H2BC12: variants seen among roughly 807,000 people sequenced by gnomAD.
H2BC12 encodes the protein H2B clustered histone 12.
A neutral mutation model predicts 6.3 loss-of-function variants in H2BC12; 6 were observed. The ratio of observed to expected loss-of-function variants is 0.95; its 90% CI spans 0.52 to 1.87. The LOEUF is 1.87. Among genes scored for constraint, H2BC12 ranks in the 40% most tolerant of loss-of-function variants. The probability of loss-of-function intolerance (pLI) is 0.01; values close to 1 mark genes in which losing one functional copy is unlikely to be tolerated. For synonymous variants in H2BC12, 132 were observed against 78.5 expected (o/e 1.68, Z -3.60); for missense variants, 119 against 178.4 (o/e 0.67, Z 1.90).
chr6:27,145,630 C>T (rs1434806091), downstream of H2BC12, among the ~76,000 whole-genome samples: 1 of 152,176 alleles, frequency 6.6e-6, no homozygotes, highest in African/African-American at 2.4e-5. Flanking sequence ...TGTTGTCTCC[C>T]CTCTGAATCT....
chr6:27,139,342 G>A, the H2BC12 span: 2 of 1,613,626 alleles, frequency 1.2e-6, no homozygotes, highest in Non-Finnish European at 8.5e-7. Context: ...TAAGGGCCTG[G>A]GGAAAGGGGG....
At chr6:27,142,956 A>G (rs1760025817), downstream of H2BC12, among the ~76,000 whole-genome samples, 1 of 152,146 alleles carries the variant, frequency 6.6e-6, no homozygotes, top group African/African-American at 2.4e-5. Context: ...CTATTTGAGT[A>G]GTGTCTTAAG....
At position 27,146,795 on chromosome 6, in the gene H2BC12, G is replaced by C; in HGVS notation, c.4C>G (p.Pro2Ala). 6.2e-7 allele frequency: 1 copy of C among 1,613,844 alleles called. No homozygotes were observed. The highest frequency in any genetic ancestry group is 8.5e-7 in the Non-Finnish European group (1 of 1,179,884). MPEPAKSAPAPK... is the reference protein window; with the variant it reads MAEPAKSAPAPK... ...GCGGGAGCGGACTTCGCTGGTTCCG[G>C]CATGTTGAAGGCGAACTACGAGCCT... Residue 2 changes from proline to alanine, a missense_variant, in exon 1 of 1, where the codon CCG (proline) becomes GCG (alanine). Transcript: ENST00000356950.
At chr6:27,143,769 G>A (rs1280271777), downstream of H2BC12, among the ~76,000 whole-genome samples, 1 of 150,510 alleles carries the variant, frequency 6.6e-6, no homozygotes, top group Non-Finnish European at 1.5e-5. Flanking sequence ...TTCTTCAGCA[G>A]GCTGTAACAA....
downstream of H2BC12, among the ~76,000 whole-genome samples, chr6:27,146,214 T>C (rs1760076668): frequency 6.6e-6 from 1 of 152,196 alleles, no homozygotes; most frequent in Non-Finnish European, 1.5e-5. Flanking sequence ...ACTAACAAAG[T>C]GTATGTGGCT....
Position 27,146,682 on chromosome 6 carries a change from G to C in H2BC12, c.117C>G (p.Ser39=), listed in dbSNP as rs149695889. ...KRKRSRKESY[S]VYVYKVLKQV... ...GCTTCAGCACCTTGTACACGTATAC[G>C]GAGTAGCTCTCCTTGCGGCTGCGCT... Residue 39 remains serine, a synonymous_variant, in exon 1 of 1, where the codon TCC becomes TCG. Coordinates refer to ENST00000356950, the MANE Select transcript of H2BC12 (RefSeq NM_001312653.2). The C allele has an allele frequency of 6.2e-7, 1 of 1,614,188 alleles. No individual in the cohort carries two copies. Among genetic ancestry groups the C allele is most frequent in the Non-Finnish European group, 8.5e-7 (1 of 1,179,994 alleles).
chr6:27,144,861 A>T (rs1386988339), downstream of H2BC12, among the ~76,000 whole-genome samples: 1 of 152,024 alleles, frequency 6.6e-6, no homozygotes, highest in African/African-American at 2.4e-5. Context: ...CAGTGAGGTG[A>T]TCTAGGCTCA....
downstream of H2BC12, among the ~76,000 whole-genome samples, chr6:27,142,547 A>C (rs1760018618): frequency 6.6e-6 from 1 of 151,398 alleles, no homozygotes; most frequent in Admixed American, 6.6e-5. Context: ...TACAGGCTTG[A>C]GCCACTGTGC....
the H2BC12 span, chr6:27,139,023 T>G: frequency 2.9e-6 from 1 of 340,912 alleles, no homozygotes; most frequent in Non-Finnish European, 5.3e-6. Flanking sequence ...GATAACATTC[T>G]TTTTGCTTTA....
At chr6:27,143,800 G>T (rs1440428283), downstream of H2BC12, among the ~76,000 whole-genome samples, 1 of 147,320 alleles carries the variant, frequency 6.8e-6, no homozygotes, top group Non-Finnish European at 1.5e-5. Context: ...GAATTGCTGT[G>T]GTCCAGAATC....
At position 27,146,580 on chromosome 6, in the gene H2BC12, G is replaced by C; in HGVS notation, c.219C>G (p.Arg73=). The change falls in exon 1 of 1, where the codon CGC becomes CGG. Residue 73 remains arginine (R), a synonymous_variant. Transcript: ENST00000356950. ...MNSFVNDIFE[R]IAGEASRLAH... ...CCAGGCGGGAAGCCTCACCCGCGAT[G>C]CGTTCGAAGATGTCGTTGACGAAGG... 6.2e-7 allele frequency: 1 copy of C among 1,614,262 alleles called. No homozygotes were observed. The highest frequency in any genetic ancestry group is 8.5e-7 in the Non-Finnish European group (1 of 1,180,046).
chr6:27,141,050 G>GAA, the H2BC12 span, among the ~76,000 whole-genome samples: 7 of 140,358 alleles, frequency 5.0e-5, no homozygotes, highest in Admixed American at 2.1e-4. Context: ...CAATCTGGGG[G>GAA]AAAAAAAAAA....
chr6:27,139,784 C>G, the H2BC12 span: 1 of 1,196,202 alleles, frequency 8.4e-7, no homozygotes, highest in Non-Finnish European at 1.1e-6. Flanking sequence ...CGAAAATGGG[C>G]TGATGACTAC....
At chr6:27,139,883 C>A in the H2BC12 span, 1 of 509,018 alleles carries the variant, frequency 2.0e-6, no homozygotes, top group Non-Finnish European at 3.4e-6. Context: ...TGCCTGCAGC[C>A]GGTTTACCGC....
chr6:27,139,510 C>A, the H2BC12 span: 1 of 1,612,924 alleles, frequency 6.2e-7, no homozygotes, highest in African/African-American at 1.3e-5. Context: ...GAACGTGATC[C>A]GGGACGCCGT....
Position 27,146,805 on chromosome 6 carries a change from G to T in H2BC12, c.-7C>A. Reference sequence around the variant, plus strand: ...ACTTCGCTGGTTCCGGCATGTTGAAGGCGAACTACGAGCCTGAGACGAGCA... The same window carrying T: ...ACTTCGCTGGTTCCGGCATGTTGAATGCGAACTACGAGCCTGAGACGAGCA... On this transcript the variant is annotated 5_prime_UTR_variant, in exon 1 of 1. Transcript: ENST00000356950. 1 of 1,613,502 alleles carries T rather than the reference G, an allele frequency of 6.2e-7. No homozygotes were observed. Among genetic ancestry groups the T allele is most frequent in the Non-Finnish European group, 8.5e-7 (1 of 1,179,702 alleles).
downstream of H2BC12, among the ~76,000 whole-genome samples, chr6:27,145,295 TACACAC>T (rs57882884): frequency 0.039 from 5,555 of 142,664 alleles, 146 homozygotes; most frequent in African/African-American, 0.075. Context: ...ATATGTTAAA[TACACAC>T]ACACACACAC....
At chr6:27,141,129 C>T in the H2BC12 span, among the ~76,000 whole-genome samples, 2 of 151,554 alleles carry the variant, frequency 1.3e-5, no homozygotes, top group African/African-American at 4.8e-5. Context: ...TTTCTGAAAT[C>T]GCTGTAAGAG....
downstream of H2BC12, among the ~76,000 whole-genome samples, chr6:27,141,720 T>C (rs879655226): frequency 1.6e-4 from 24 of 152,196 alleles, no homozygotes; most frequent in Admixed American, 1.3e-4. Flanking sequence ...TATATAGTTA[T>C]GTTATTGTTA....
Sources: gnomAD v4.1 joint callset for allele counts (sites outside exome capture counted in the v4.1 genomes callset) on GRCh38, gnomAD v4.1.1 for gene constraint, MANE v1.5 for transcripts, NCBI Gene and HGNC (gene_info 2026-07-23, HGNC 2026-07-21) for gene names.